CYP4F22: variants seen among roughly 807,000 people sequenced by gnomAD.
The protein encoded by CYP4F22 is cytochrome P450 family 4 subfamily F member 22.
In CYP4F22, 37 loss-of-function variants were observed where a neutral mutation model predicts 60.4. The observed-to-expected ratio is 0.61, with a 90% confidence interval of 0.47 to 0.81. The LOEUF is 0.81. Ranked by LOEUF, CYP4F22 falls within the 30% of genes least tolerant of loss-of-function variation. The pLI is 0.00. For missense variants in CYP4F22, 655 were observed against 715.0 expected, an observed-to-expected ratio of 0.92 and a Z score of 0.96; for synonymous variants, 258 against 280.5, an observed-to-expected ratio of 0.92 and a Z score of 0.80.
chr19:15,527,952 G>T (rs1971300953), intron 3 of CYP4F22, among the ~76,000 whole-genome samples: 1 of 152,184 alleles, frequency 6.6e-6, no homozygotes, highest in Non-Finnish European at 1.5e-5. Context: ...TTTTTCTGAC[G>T]TTGAGCCTGA....
At chr19:15,551,088 T>G (rs1047507082) in intron 13 of CYP4F22, among the ~76,000 whole-genome samples, 1 of 152,148 alleles carries the variant, frequency 6.6e-6, no homozygotes, top group Non-Finnish European at 1.5e-5. Flanking sequence ...AGTAAGAGGC[T>G]GTACTGGGAT....
Position 15,540,514 on chromosome 19 carries a change from C to G in CYP4F22, c.736C>G (p.Arg246Gly). 1.9e-6 allele frequency: 3 copies of G among 1,614,198 alleles called. No homozygotes were observed. The highest frequency in any genetic ancestry group is 1.1e-5 in the South Asian group (1 of 91,084). The change falls in exon 8 of 14, where the codon CGC becomes GGC. Residue 246 changes from arginine to glycine, a missense_variant. Physicochemically the swap from Arg to Gly is moderately radical, Grantham distance 125 (BLOSUM62 -2). Coordinates refer to ENST00000269703, the MANE Select transcript of CYP4F22 (RefSeq NM_173483.4). ...CGCTCTGTCTGTCCGGCGCCAGTAT[C>G]GCTTGCACCACTACCTCGACTTCAT... ...LSALSVRRQY[R>G]LHHYLDFIYY...
chr19:15,541,865 CA>C lies in CYP4F22; in HGVS notation c.939+1166del, dbSNP rs1052977392. ...ATTGCACTCAAGTGAAACTCCGTCTCAAAAAAAAAAAAAAAAAAGAAAAAAA... is the reference window on the plus strand; with the variant it reads ...ATTGCACTCAAGTGAAACTCCGTCTCAAAAAAAAAAAAAAAAAGAAAAAAA... On this transcript the variant is annotated intron_variant, in intron 8 of 13. Coordinates refer to ENST00000269703, the MANE Select transcript of CYP4F22 (RefSeq NM_173483.4). 7.2e-3 allele frequency among the ~76,000 whole-genome samples: 720 copies of C among 99,568 alleles called. 3 individuals are homozygous for C. The highest frequency in any genetic ancestry group is 0.022 in the African/African-American group (575 of 26,472). The allele number at this position is 99,568 out of a possible 152,430, so 65.3% of individuals were successfully genotyped here.
At chr19:15,545,648 C>CAAAAA (rs1217096575) in intron 10 of CYP4F22, among the ~76,000 whole-genome samples, 150 of 38,546 alleles carry the variant, frequency 3.9e-3, no homozygotes, top group Non-Finnish European at 5.0e-3. Flanking sequence ...GACCCTGTCT[C>CAAAAA]AAAAAAAAAA....
chr19:15,515,828 A>G (rs998765587), intron 1 of CYP4F22, among the ~76,000 whole-genome samples: 1 of 151,690 alleles, frequency 6.6e-6, no homozygotes, highest in Non-Finnish European at 1.5e-5. Flanking sequence ...GGTTCACGCC[A>G]TTCTCCTGCC....
chr19:15,525,308 C>T, intron 2 of CYP4F22, 28 bp from the exon 3 acceptor site: 4 of 1,606,924 alleles, frequency 2.5e-6, no homozygotes, highest in Non-Finnish European at 3.4e-6. Context: ...GTGCATGGCA[C>T]CGACCCCCTG....
intron 12 of CYP4F22, 72 bp from the exon 13 acceptor site, chr19:15,550,602 G>T (rs1379830811): frequency 2.0e-6 from 3 of 1,490,620 alleles, no homozygotes; most frequent in Non-Finnish European, 1.9e-6. Context: ...ACCCCCAGAG[G>T]CTCAGGGAAG....
Position 15,516,674 on chromosome 19 carries a change from G to A in CYP4F22, c.-108-7019G>A, listed in dbSNP as rs560182606. On this transcript the variant is annotated intron_variant, in intron 1 of 13. Coordinates refer to ENST00000269703, the MANE Select transcript of CYP4F22 (RefSeq NM_173483.4). ...TATAACACTATGGCTGATCAGAGGC[G>A]GCTGAGAGGAGCAATGGATAAGAGA... 39 of 478,934 alleles carry A rather than the reference G, an allele frequency of 8.1e-5. No individual in the cohort carries two copies. The East Asian group carries it at 1.6e-3, about 19-fold the overall frequency. 29.7% of individuals were successfully genotyped at this position (478,934 alleles called of 1,614,324 possible). A position where few individuals can be genotyped will look rare whatever the true frequency, so the allele number is the denominator to read the frequency against.
At chr19:15,519,387 C>T (rs566403189) in intron 1 of CYP4F22, among the ~76,000 whole-genome samples, 5 of 151,998 alleles carry the variant, frequency 3.3e-5, no homozygotes, top group East Asian at 3.9e-4. Context: ...CTCAGCCTCC[C>T]GAGTAGCTGG....
chr19:15,529,981 T>C (rs1568357809), intron 4 of CYP4F22, 128 bp downstream of exon 4: 5 of 1,363,190 alleles, frequency 3.7e-6, no homozygotes. Context: ...AATAAGAGTT[T>C]GGCAAAGCAA....
At position 15,525,497 on chromosome 19, in the gene CYP4F22, G is replaced by T. The variant is rs139927884; in HGVS notation, c.161G>T (p.Arg54Leu). ...RLCRSFYITC[R>L]RLRCFPQPPR... Reference sequence around the variant, plus strand: ...TGCAGGAGCTTCTACATCACCTGCCGCCGGCTGCGCTGCTTCCCCCAGCCT... The same window carrying T: ...TGCAGGAGCTTCTACATCACCTGCCTCCGGCTGCGCTGCTTCCCCCAGCCT... Residue 54 changes from arginine to leucine, a missense_variant, in exon 3 of 14, where the codon CGC becomes CTC. By Grantham distance (102) the Arg-to-Leu change is moderately radical (BLOSUM62 -2). Around this residue, in one of 3 missense-constraint regions of CYP4F22, gnomAD observed 430 missense variants for 457.1 expected, o/e 0.94. Transcript: ENST00000269703. 8 of 1,613,312 alleles carry T rather than the reference G, an allele frequency of 5.0e-6. No individual in the cohort carries two copies. The highest frequency in any genetic ancestry group is 5.9e-6 in the Non-Finnish European group (7 of 1,179,908).
At chr19:15,533,730 A>C (rs556173426) in intron 4 of CYP4F22, among the ~76,000 whole-genome samples, 1 of 150,948 alleles carries the variant, frequency 6.6e-6, no homozygotes, top group Non-Finnish European at 1.5e-5. Flanking sequence ...CCTCCCGAGT[A>C]GCTGGAACTG....
At chr19:15,512,267 G>T (rs562508664) in intron 1 of CYP4F22, among the ~76,000 whole-genome samples, 3 of 152,052 alleles carry the variant, frequency 2.0e-5, no homozygotes, top group African/African-American at 4.8e-5. Context: ...GCTAACCTAG[G>T]GAATAGGAGA....
At chr19:15,547,993 GAGGGAGAGAGTGTGTGTGT>G (rs1971548015) in intron 10 of CYP4F22, 96 bp from the exon 11 acceptor site, 1 of 146,078 alleles carries the variant, frequency 6.8e-6, no homozygotes. Context: ...GAGAGAGAGA[GAGGGAGAGAGTGTGTGTGT>G]GTGTGTGTGT....
intron 1 of CYP4F22, chr19:15,516,769 A>G: frequency 1.7e-6 from 1 of 592,144 alleles, no homozygotes; most frequent in Non-Finnish European, 2.8e-6. Flanking sequence ...CTCTGGAAAG[A>G]TAGTCCACTT....
chr19:15,516,986 A>AT lies in CYP4F22; in HGVS notation c.-108-6701dup, dbSNP rs35179917. 5.4e-3 allele frequency: 996 copies of AT among 183,072 alleles called. 4 individuals are homozygous for AT. Among genetic ancestry groups the AT allele is most frequent in the Non-Finnish European group, 7.7e-3 (683 of 88,722 alleles). The allele number at this position is 183,072 out of a possible 1,614,324, so 11.3% of individuals were successfully genotyped here. On this transcript the variant is annotated intron_variant, in intron 1 of 13. Coordinates refer to ENST00000269703, the MANE Select transcript of CYP4F22 (RefSeq NM_173483.4). ...CTGGGATTACAGGCACGCATGGCTG[A>AT]TTTTTTGTATTATCAGTAGAGAAGG...
chr19:15,539,698 C>T (rs1261126591), intron 7 of CYP4F22, among the ~76,000 whole-genome samples: 1 of 152,194 alleles, frequency 6.6e-6, no homozygotes, highest in African/African-American at 2.4e-5. Context: ...TCCAGTTTTT[C>T]CACATACTCA....
chr19:15,543,936 G>A (rs1034836057), intron 8 of CYP4F22, 35 bp from the exon 9 acceptor site: 4 of 1,612,610 alleles, frequency 2.5e-6, no homozygotes, highest in South Asian at 2.2e-5. Flanking sequence ...AGGGTGGGAT[G>A]AAGTGGGCTG....
At position 15,548,159 on chromosome 19, in the gene CYP4F22, G is replaced by A. The variant is rs748142782; in HGVS notation, c.1188G>A (p.Leu396=). The A allele has an allele frequency of 2.5e-6, 4 of 1,613,954 alleles. No homozygotes were observed. The South Asian group carries it at 4.4e-5, about 18-fold the overall frequency. Residue 396 remains leucine, a synonymous_variant, in exon 11 of 14, where the codon CTG becomes CTA. Coordinates refer to ENST00000269703, the MANE Select transcript of CYP4F22 (RefSeq NM_173483.4). ...CAACTATGTGCATTAAGGAGAGCCT[G>A]CGCCAGTACCCACCTGTCACTCTTG... ...PFTTMCIKES[L]RQYPPVTLVS...
Sources: gnomAD v4.1 joint callset for allele counts (sites outside exome capture counted in the v4.1 genomes callset) on GRCh38, gnomAD v4.1.1 for gene constraint, gnomAD v4.1.1 regional missense constraint, MANE v1.5 for transcripts, NCBI Gene and HGNC (gene_info 2026-07-23, HGNC 2026-07-21) for gene names.